The following SPON2 variants were observed in gnomAD, a reference collection of about 807,000 sequenced individuals.
SPON2 encodes the protein spondin 2.
A neutral mutation model predicts 29.9 loss-of-function variants in SPON2; 32 were observed. The ratio of observed to expected loss-of-function variants is 1.07; its 90% CI spans 0.81 to 1.44. The LOEUF is 1.44. Among genes scored for constraint, SPON2 ranks in the 40% most tolerant of loss-of-function variants. The pLI is 0.00. For missense variants in SPON2, 541 were observed against 455.5 expected (o/e 1.19, Z -1.71); for synonymous variants, 248 against 209.1 (o/e 1.19, Z -1.61).
upstream of SPON2, among the ~76,000 whole-genome samples, chr4:1,176,757 A>G (rs1369116681): frequency 1.3e-5 from 2 of 151,824 alleles, no homozygotes; most frequent in Non-Finnish European, 2.9e-5. Context: ...GCACTAATTC[A>G]CTCACACAGT....
chr4:1,201,367 G>T, intron 1 of SPON2: 1 of 335,918 alleles, frequency 3.0e-6, no homozygotes, highest in South Asian at 2.4e-5. Context: ...GTTTCTCCAG[G>T]CCAGGCCTGT....
Position 1,171,406 on chromosome 4 carries a change from C to A in SPON2, c.301G>T (p.Gly101Cys), listed in dbSNP as rs760824440. ...SNGLRDFAER[G>C]EAWALMKEIE... Reference sequence around the variant, plus strand: ...TCCTTCATCAGCGCCCAGGCCTCGCCGCGCTCCGCAAAGTCGCGCAGCCCG... The same window carrying A: ...TCCTTCATCAGCGCCCAGGCCTCGCAGCGCTCCGCAAAGTCGCGCAGCCCG... Residue 101 changes from glycine (G) to cysteine (C), a missense_variant, in exon 3 of 6, where the codon GGC becomes TGC. Transcript: ENST00000290902. 1.2e-5 allele frequency: 19 copies of A among 1,612,346 alleles called. 1 individual carries two copies. The highest frequency in any genetic ancestry group is 1.1e-4 in the South Asian group (10 of 91,082).
At chr4:1,169,425 G>A (rs1727349345) in intron 5 of SPON2, among the ~76,000 whole-genome samples, 1 of 152,186 alleles carries the variant, frequency 6.6e-6, no homozygotes, top group Admixed American at 6.5e-5. Context: ...TCCCAAATGA[G>A]GAGGGACCCA....
In SPON2 at chr4:1,179,747, TG is replaced by T. The variant is rs150256921; in HGVS notation, c.-238-207del. Among the ~76,000 whole-genome samples, 411 of 152,284 alleles carry T rather than the reference TG, an allele frequency of 2.7e-3. 2 individuals are homozygous for T. The highest frequency in any genetic ancestry group is 9.5e-3 in the African/African-American group (393 of 41,552). On this transcript the variant is annotated intron_variant, in intron 1 of 3. Transcript: ENST00000502483. ...TGTGATAAAAACTAACAGCCTGAGCTGGAGCTCTTTCAAAGCCTCATTTCCA... is the reference window on the plus strand; with the variant it reads ...TGTGATAAAAACTAACAGCCTGAGCTGAGCTCTTTCAAAGCCTCATTTCCA...
upstream of SPON2, among the ~76,000 whole-genome samples, chr4:1,174,486 C>CAAAAAAAAAAAAAAAAAAAAAAA (rs59532169): frequency 2.1e-5 from 2 of 94,292 alleles, no homozygotes; most frequent in South Asian, 3.3e-4. Flanking sequence ...GACTCCATCT[C>CAAAAAAAAAAAAAAAAAAAAAAA]AAAAAAAAAA....
upstream of SPON2, among the ~76,000 whole-genome samples, chr4:1,175,733 G>A (rs1410588152): frequency 6.6e-6 from 1 of 151,934 alleles, no homozygotes. Context: ...ATGTAGGGTA[G>A]TGGTGGGCCC....
At chr4:1,167,884 C>T (rs1041002928) in intron 5 of SPON2, 10 of 457,098 alleles carry the variant, frequency 2.2e-5, no homozygotes, top group East Asian at 2.1e-4. Flanking sequence ...ACGTAAGAGC[C>T]GGAGCTGCCG....
Position 1,207,684 on chromosome 4 carries a change from G to C in SPON2, c.-234+196C>G, listed in dbSNP as rs545575861. Among the ~76,000 whole-genome samples, 287 of 152,182 alleles carry C rather than the reference G, an allele frequency of 1.9e-3. 1 individual carries two copies. Among genetic ancestry groups the C allele is most frequent in the African/African-American group, 6.7e-3 (277 of 41,480 alleles). ...CGCCGCGCTTACACATGCTCCAGAG[G>C]GTCCGGCTGCCTAACCATGCGCCGC... On this transcript the variant is annotated intron_variant, in intron 1 of 3. Transcript: ENST00000509233.
At chr4:1,201,183 A>G in intron 1 of SPON2, 1 of 450,510 alleles carries the variant, frequency 2.2e-6, no homozygotes, top group South Asian at 1.6e-5. Flanking sequence ...CAGTTCCTCC[A>G]GCCCCTCCCC....
intron 1 of SPON2, among the ~76,000 whole-genome samples, chr4:1,186,032 C>T (rs1257918880): frequency 1.1e-4 from 16 of 150,950 alleles, no homozygotes; most frequent in Non-Finnish European, 2.2e-4. Flanking sequence ...ATCACGAGGT[C>T]AGGAGATCGA....
At chr4:1,171,706 G>A in intron 2 of SPON2, 146 bp downstream of exon 2, 1 of 783,106 alleles carries the variant, frequency 1.3e-6, no homozygotes, top group Non-Finnish European at 2.1e-6. Flanking sequence ...ACCGCACACC[G>A]CAGGCGCTCG....
At chr4:1,171,508 C>T (rs1197292739) in intron 2 of SPON2, 22 bp from the exon 3 acceptor site, 2 of 1,602,692 alleles carry the variant, frequency 1.2e-6, no homozygotes, top group Non-Finnish European at 1.7e-6. Flanking sequence ...CCCGGCCGCG[C>T]CGCGGACCAT....
intron 1 of SPON2, among the ~76,000 whole-genome samples, chr4:1,203,480 A>G (rs1483405960): frequency 6.6e-6 from 1 of 152,218 alleles, no homozygotes; most frequent in Admixed American, 6.5e-5. Context: ...CCAGGCCACA[A>G]TGTGCCCATC....
intron 1 of SPON2, among the ~76,000 whole-genome samples, chr4:1,200,237 C>T (rs1265766246): frequency 6.6e-6 from 1 of 152,178 alleles, no homozygotes; most frequent in Non-Finnish European, 1.5e-5. Flanking sequence ...GTCTCTGACA[C>T]GTTCTTCCTG....
At chr4:1,198,636 A>G (rs1430190009), upstream of SPON2, among the ~76,000 whole-genome samples, 1 of 152,056 alleles carries the variant, frequency 6.6e-6, no homozygotes, top group Non-Finnish European at 1.5e-5. Context: ...CGGATTCTAC[A>G]CAAGAGAACA....
chr4:1,182,319 A>G (rs1367492478), intron 1 of SPON2, among the ~76,000 whole-genome samples: 2 of 152,330 alleles, frequency 1.3e-5, no homozygotes, highest in Non-Finnish European at 2.9e-5. Context: ...AAGATGCTCA[A>G]AGGACTAAAG....
Position 1,189,261 on chromosome 4 carries a change from T to G in SPON2, c.-239+5729A>C, listed in dbSNP as rs1727857787. On this transcript the variant is annotated intron_variant, in intron 1 of 3. Coordinates refer to the SPON2 transcript ENST00000502483. ...CAAATCAATAACCCAACCTTCCACC[T>G]AAAGAAACGAGAAAAAAACAGCACA... is the stretch of plus-strand genomic sequence containing the variant. Among the ~76,000 whole-genome samples the G allele has an allele frequency of 2.6e-5, 4 of 151,472 alleles. No homozygotes were observed. The South Asian group carries it at 8.3e-4, about 32-fold the overall frequency.
chr4:1,187,846 T>A (rs1162673860), intron 1 of SPON2, among the ~76,000 whole-genome samples: 1 of 152,092 alleles, frequency 6.6e-6, no homozygotes, highest in Non-Finnish European at 1.5e-5. Context: ...GCTACACACA[T>A]AAACTATTTA....
At chr4:1,176,572 G>A (rs1034763074), upstream of SPON2, among the ~76,000 whole-genome samples, 1 of 126,888 alleles carries the variant, frequency 7.9e-6, no homozygotes, top group African/African-American at 2.9e-5. Context: ...ATTCATTCAA[G>A]CATCCATTCA....
Sources: gnomAD v4.1 joint callset for allele counts (sites outside exome capture counted in the v4.1 genomes callset) on GRCh38, gnomAD v4.1.1 for gene constraint, MANE v1.5 for transcripts, NCBI Gene and HGNC (gene_info 2026-07-23, HGNC 2026-07-21) for gene names.